The following PSMD14 variants were observed in gnomAD, a reference collection of about 807,000 sequenced individuals.
The protein encoded by PSMD14 is proteasome 26S subunit, non-ATPase 14, also known as ubiquitin C-terminal hydrolase PSMD14.
In PSMD14, 7 loss-of-function variants were observed where a neutral mutation model predicts 41.2. The observed-to-expected ratio is 0.17, with a 90% CI of 0.10 to 0.32. The LOEUF (loss-of-function observed/expected upper bound fraction) is 0.32, where lower values mean the gene tolerates loss of function less well. Ranked by LOEUF, PSMD14 falls within the 10% of genes least tolerant of loss-of-function variation. PSMD14 has a pLI of 1.00. For missense variants in PSMD14, 139 were observed against 375.6 expected (o/e 0.37, Z 5.21); for synonymous variants, 114 against 122.3 (o/e 0.93, Z 0.45).
chr2:161,380,150 A>C (rs1433521090), intron 7 of PSMD14, among the ~76,000 whole-genome samples: 1 of 152,028 alleles, frequency 6.6e-6, no homozygotes, highest in Non-Finnish European at 1.5e-5. Flanking sequence ...ATTCATGAGC[A>C]AATGGAGAAA....
At chr2:161,333,619 T>G (rs1682825459) in intron 3 of PSMD14, among the ~76,000 whole-genome samples, 1 of 152,222 alleles carries the variant, frequency 6.6e-6, no homozygotes, top group African/African-American at 2.4e-5. Flanking sequence ...AGCAGATAGT[T>G]TAGGATCTTG....
intron 7 of PSMD14, among the ~76,000 whole-genome samples, chr2:161,378,489 G>A (rs1305684708): frequency 1.3e-5 from 2 of 151,822 alleles, no homozygotes; most frequent in East Asian, 1.9e-4. Context: ...GTAACCAAAA[G>A]TGCTCTTTTT....
chr2:161,330,128 G>T (rs1215151704), intron 3 of PSMD14, among the ~76,000 whole-genome samples: 1 of 152,132 alleles, frequency 6.6e-6, no homozygotes, highest in Admixed American at 6.5e-5. Context: ...AGAATGGAAG[G>T]GGATTGGTGA....
intron 10 of PSMD14, chr2:161,407,450 C>T (rs973692621): frequency 3.9e-5 from 6 of 152,096 alleles, no homozygotes; most frequent in African/African-American, 1.4e-4. Flanking sequence ...TCAGTAGATA[C>T]AATACCTATT....
intron 10 of PSMD14, among the ~76,000 whole-genome samples, chr2:161,396,164 C>T (rs1192882445): frequency 1.3e-5 from 2 of 152,144 alleles, no homozygotes; most frequent in African/African-American, 4.8e-5. Flanking sequence ...GGCCTTAAAG[C>T]ATAAGTAAGA....
intron 7 of PSMD14, chr2:161,383,226 A>G (rs1013357622): frequency 3.3e-5 from 5 of 152,046 alleles, no homozygotes; most frequent in African/African-American, 9.7e-5. Context: ...CTATATTGCC[A>G]TGTTTATATT....
chr2:161,384,553 A>T (rs537882760), intron 7 of PSMD14: 1 of 147,406 alleles, frequency 6.8e-6, no homozygotes, highest in East Asian at 2.0e-4. Flanking sequence ...AAATACTGTT[A>T]CTTAGTATAT....
At chr2:161,347,890 T>C (rs1683066948) in intron 3 of PSMD14, among the ~76,000 whole-genome samples, 1 of 152,240 alleles carries the variant, frequency 6.6e-6, no homozygotes, top group South Asian at 2.1e-4. Flanking sequence ...CAGATGCAGC[T>C]GAGGCATGAA....
intron 7 of PSMD14, among the ~76,000 whole-genome samples, chr2:161,372,226 G>T (rs1332411085): frequency 6.6e-6 from 1 of 151,962 alleles, no homozygotes; most frequent in East Asian, 1.9e-4. Context: ...TAGAATAATT[G>T]TTAAAATAAA....
At chr2:161,360,170 G>A (rs1041296082) in intron 3 of PSMD14, among the ~76,000 whole-genome samples, 5 of 150,144 alleles carry the variant, frequency 3.3e-5, no homozygotes, top group Non-Finnish European at 7.4e-5. Context: ...TTTCCACCCC[G>A]TAACATATAT....
intron 3 of PSMD14, among the ~76,000 whole-genome samples, chr2:161,344,273 A>G (rs1418312291): frequency 6.6e-6 from 1 of 152,144 alleles, no homozygotes; most frequent in East Asian, 1.9e-4. Context: ...TAAATAACAG[A>G]TATTCATTTC....
intron 10 of PSMD14, among the ~76,000 whole-genome samples, chr2:161,406,873 C>T (rs558653705): frequency 1.4e-4 from 22 of 152,130 alleles, no homozygotes; most frequent in African/African-American, 4.3e-4. Flanking sequence ...TTTGAATTAG[C>T]GCTTTTTATA....
chr2:161,390,585 G>T (rs948824180), intron 8 of PSMD14, among the ~76,000 whole-genome samples: 5 of 152,198 alleles, frequency 3.3e-5, no homozygotes, highest in Admixed American at 2.0e-4. Flanking sequence ...AAGAGCATGA[G>T]CTAGACAGAC....
At chr2:161,400,396 C>T (rs1683859349) in intron 10 of PSMD14, among the ~76,000 whole-genome samples, 1 of 152,046 alleles carries the variant, frequency 6.6e-6, no homozygotes, top group Non-Finnish European at 1.5e-5. Context: ...CCATAAGTTC[C>T]ACACAGCACT....
intron 3 of PSMD14, among the ~76,000 whole-genome samples, chr2:161,338,315 G>A (rs1310387335): frequency 6.7e-6 from 1 of 150,058 alleles, no homozygotes; most frequent in African/African-American, 2.4e-5. Flanking sequence ...CTATAACGCA[G>A]TTATATTGTA....
At chr2:161,316,846 C>A (rs545050024) in intron 2 of PSMD14, among the ~76,000 whole-genome samples, 2 of 152,166 alleles carry the variant, frequency 1.3e-5, no homozygotes, top group South Asian at 4.2e-4. Context: ...CAAATTTGAC[C>A]TGCCAGATTT....
chr2:161,330,993 A>G (rs1003382267), intron 3 of PSMD14, among the ~76,000 whole-genome samples: 5 of 152,216 alleles, frequency 3.3e-5, no homozygotes, highest in Non-Finnish European at 1.5e-5. Context: ...CAGTAGAATG[A>G]CAAAACCTAG....
chr2:161,371,209 G>A lies in PSMD14; in HGVS notation c.349G>A (p.Gly117Ser). The stretch of plus-strand genomic sequence containing the variant: ...TGTTGGTTGGTATCACAGTCACCCT[G>A]GCTTTGGTTGTTGGCTTTCTGGTGT... ...MVVGWYHSHPGFGCWLSGVDI... is the reference protein window; with the variant it reads ...MVVGWYHSHPSFGCWLSGVDI... The change falls in exon 7 of 12, where the codon GGC becomes AGC. Residue 117 changes from glycine to serine, a missense_variant. By Grantham distance (56) the Gly-to-Ser change is moderately conservative. Around this residue, in one of 4 missense-constraint regions of PSMD14, gnomAD observed 35 missense variants for 162.9 expected, o/e 0.21. Transcript: ENST00000409682. The A allele has an allele frequency of 6.2e-7, 1 of 1,612,778 alleles. No individual in the cohort carries two copies. Among genetic ancestry groups the A allele is most frequent in the African/African-American group, 1.3e-5 (1 of 74,978 alleles).
At chr2:161,384,311 T>G (rs1683606990) in intron 7 of PSMD14, 1 of 151,692 alleles carries the variant, frequency 6.6e-6, no homozygotes, top group South Asian at 2.1e-4. Flanking sequence ...CATAGCAATC[T>G]TTTACAAAGG....
Sources: gnomAD v4.1 joint callset for allele counts (sites outside exome capture counted in the v4.1 genomes callset) on GRCh38, gnomAD v4.1.1 for gene constraint, gnomAD v4.1.1 regional missense constraint, MANE v1.5 for transcripts, NCBI Gene and HGNC (gene_info 2026-07-23, HGNC 2026-07-21) for gene names.